The following TMEM26 variants were observed in gnomAD, a reference collection of about 807,000 sequenced individuals.
TMEM26 encodes the protein transmembrane protein 26.
In TMEM26, 38 loss-of-function variants were observed where a neutral mutation model predicts 28.8. The observed-to-expected ratio is 1.32, with a 90% CI of 1.02 to 1.73. The LOEUF (loss-of-function observed/expected upper bound fraction) is 1.73. Among genes scored for constraint, TMEM26 ranks in the 40% most tolerant of loss-of-function variants. The pLI, the probability that TMEM26 is intolerant of heterozygous loss-of-function variation, is 0.00. For synonymous variants in TMEM26, 227 were observed against 182.9 expected (o/e 1.24, Z -1.95); for missense variants, 518 against 447.1 (o/e 1.16, Z -1.43).
At position 61,407,069 on chromosome 10, in the gene TMEM26, G is replaced by A. The variant is rs1839506313; in HGVS notation, c.*3253C>T. On this transcript the variant is annotated 3_prime_UTR_variant, in exon 6 of 6. Transcript: ENST00000399298. Reference sequence around the variant, plus strand: ...ACCATCCCTCTTTCTTAGCATTGGAGGAGGGCTAAAGTGGACAGATGCCTG... The same window carrying A: ...ACCATCCCTCTTTCTTAGCATTGGAAGAGGGCTAAAGTGGACAGATGCCTG... 1 of 152,072 alleles carries A rather than the reference G, an allele frequency of 6.6e-6. No homozygotes were observed. Among genetic ancestry groups the A allele is most frequent in the Non-Finnish European group, 1.5e-5 (1 of 67,980 alleles). 9.4% of individuals were successfully genotyped at this position (152,072 alleles called of 1,614,324 possible). A position where few individuals can be genotyped will look rare whatever the true frequency, so the allele number is the denominator to read the frequency against.
intron 4 of TMEM26, among the ~76,000 whole-genome samples, chr10:61,418,049 A>AT (rs1839682702): frequency 1.3e-5 from 2 of 152,170 alleles, no homozygotes; most frequent in South Asian, 2.1e-4. Context: ...ACAGATATTC[A>AT]TTCCCCTATC....
chr10:61,428,884 T>C, intron 4 of TMEM26, 42 bp downstream of exon 4: 1 of 1,562,956 alleles, frequency 6.4e-7, no homozygotes. Flanking sequence ...TGCATGGTCT[T>C]GACCCTGAAA....
At chr10:61,435,630 C>G (rs1239291987) in intron 2 of TMEM26, among the ~76,000 whole-genome samples, 2 of 152,058 alleles carry the variant, frequency 1.3e-5, no homozygotes, top group Admixed American at 6.5e-5. Flanking sequence ...CCGTGGGACT[C>G]CCAAAAATTA....
intron 3 of TMEM26, among the ~76,000 whole-genome samples, chr10:61,430,341 C>A (rs1329380578): frequency 6.6e-6 from 1 of 151,832 alleles, no homozygotes; most frequent in African/African-American, 2.4e-5. Flanking sequence ...AGGTCATGGT[C>A]AGTTTGCCAA....
chr10:61,423,220 C>A (rs1269644761), intron 4 of TMEM26, among the ~76,000 whole-genome samples: 1 of 152,032 alleles, frequency 6.6e-6, no homozygotes, highest in Admixed American at 6.6e-5. Flanking sequence ...AATCTTCCCA[C>A]AAAATAAACT....
chr10:61,433,005 T>A (rs111883344), intron 2 of TMEM26, among the ~76,000 whole-genome samples: 2 of 152,316 alleles, frequency 1.3e-5, no homozygotes, highest in African/African-American at 2.4e-5. Context: ...TAAGATTTAT[T>A]TCAATAGGAA....
At chr10:61,452,391 A>G (rs1840301475) in intron 1 of TMEM26, among the ~76,000 whole-genome samples, 1 of 152,224 alleles carries the variant, frequency 6.6e-6, no homozygotes, top group Non-Finnish European at 1.5e-5. Flanking sequence ...ATGAAACCAC[A>G]GACGTGCAGC....
At chr10:61,428,261 C>T (rs532208376) in intron 4 of TMEM26, among the ~76,000 whole-genome samples, 2 of 152,050 alleles carry the variant, frequency 1.3e-5, no homozygotes, top group Non-Finnish European at 2.9e-5. Flanking sequence ...GTAAGAAAGT[C>T]GTTCCGTAAA....
At chr10:61,417,015 T>C (rs1839662975) in intron 4 of TMEM26, among the ~76,000 whole-genome samples, 1 of 152,022 alleles carries the variant, frequency 6.6e-6, no homozygotes, top group African/African-American at 2.4e-5. Context: ...GAAAAGTAGA[T>C]CAGAAAATTT....
intron 1 of TMEM26, 26 bp from the exon 2 acceptor site, chr10:61,436,274 G>T (rs1840007161): frequency 3.5e-6 from 5 of 1,438,714 alleles, no homozygotes; most frequent in Admixed American, 2.1e-5. Flanking sequence ...AGAAAAAATA[G>T]TTTAGCTAAT....
At chr10:61,443,143 G>A (rs758821871) in intron 1 of TMEM26, among the ~76,000 whole-genome samples, 2 of 152,024 alleles carry the variant, frequency 1.3e-5, no homozygotes, top group Non-Finnish European at 2.9e-5. Flanking sequence ...GAATATAAAT[G>A]AGAAAGTTTT....
At chr10:61,434,640 C>T (rs1213813316) in intron 2 of TMEM26, among the ~76,000 whole-genome samples, 2 of 152,138 alleles carry the variant, frequency 1.3e-5, no homozygotes, top group Non-Finnish European at 2.9e-5. Context: ...AACACTTTTG[C>T]TACAGACATA....
intron 3 of TMEM26, among the ~76,000 whole-genome samples, chr10:61,430,411 T>G (rs1023142320): frequency 2.6e-5 from 4 of 151,960 alleles, no homozygotes; most frequent in Non-Finnish European, 4.4e-5. Context: ...CTTCTCTATG[T>G]TATTAATAAA....
chr10:61,428,333 T>C (rs543980777), intron 4 of TMEM26, among the ~76,000 whole-genome samples: 104 of 152,244 alleles, frequency 6.8e-4, no homozygotes, highest in Admixed American at 1.1e-3. Context: ...ACCAACTCAA[T>C]AAGTTTTAAT....
intron 1 of TMEM26, among the ~76,000 whole-genome samples, chr10:61,442,360 A>T (rs1043815023): frequency 6.6e-6 from 1 of 152,194 alleles, no homozygotes; most frequent in Non-Finnish European, 1.5e-5. Flanking sequence ...AATAACATCC[A>T]TTCATTTTTA....
At chr10:61,437,414 A>T (rs1166085099) in intron 1 of TMEM26, among the ~76,000 whole-genome samples, 1 of 152,194 alleles carries the variant, frequency 6.6e-6, no homozygotes, top group Non-Finnish European at 1.5e-5. Context: ...TACTAGTATT[A>T]TTATCGGACA....
At chr10:61,430,069 T>C (rs1839895877) in intron 3 of TMEM26, among the ~76,000 whole-genome samples, 2 of 152,078 alleles carry the variant, frequency 1.3e-5, no homozygotes, top group Admixed American at 6.6e-5. Flanking sequence ...CTGTACGCTT[T>C]CTTATATTAG....
chr10:61,444,488 T>A (rs563132330), intron 1 of TMEM26, among the ~76,000 whole-genome samples: 4 of 152,142 alleles, frequency 2.6e-5, no homozygotes, highest in Admixed American at 2.6e-4. Context: ...TTCCCCCTTT[T>A]CTCCCTTTTA....
intron 4 of TMEM26, chr10:61,416,170 G>A: frequency 2.4e-6 from 1 of 424,044 alleles, no homozygotes; most frequent in East Asian, 7.2e-5. Context: ...TTTTTCAATA[G>A]ATGCAAAAGA....
Sources: gnomAD v4.1 joint callset for allele counts (sites outside exome capture counted in the v4.1 genomes callset) on GRCh38, gnomAD v4.1.1 for gene constraint, MANE v1.5 for transcripts, NCBI Gene and HGNC (gene_info 2026-07-23, HGNC 2026-07-21) for gene names.